The following PTPRD variants were observed in gnomAD, a reference collection of about 807,000 sequenced individuals.
PTPRD encodes protein tyrosine phosphatase receptor type D.
In PTPRD, 34 loss-of-function variants were observed where a neutral mutation model predicts 214.5. The observed-to-expected ratio is 0.16, with a 90% CI of 0.12 to 0.21. The LOEUF (loss-of-function observed/expected upper bound fraction) is 0.21. Ranked by LOEUF, PTPRD falls within the 10% of genes least tolerant of loss-of-function variation. The pLI, the probability that PTPRD is intolerant of heterozygous loss-of-function variation, is 1.00. For missense variants in PTPRD, 2,545 were observed against 2,398.7 expected (o/e 1.06, Z -1.27); for synonymous variants, 1,128 against 845.7 (o/e 1.33, Z -5.79).
intron 3 of PTPRD, among the ~76,000 whole-genome samples, chr9:10,275,949 T>A (rs2094662014): frequency 6.6e-6 from 1 of 152,212 alleles, no homozygotes; most frequent in South Asian, 2.1e-4. Flanking sequence ...AATGAGTGAC[T>A]CATTTCCTCT....
chr9:9,146,758 T>C (rs1176455907), intron 10 of PTPRD, among the ~76,000 whole-genome samples: 5 of 152,126 alleles, frequency 3.3e-5, no homozygotes, highest in African/African-American at 1.2e-4. Flanking sequence ...ATCAGAAATA[T>C]GCTTGGCAAG....
chr9:10,531,106 C>T (rs192323533), intron 2 of PTPRD, among the ~76,000 whole-genome samples: 16 of 151,928 alleles, frequency 1.1e-4, no homozygotes, highest in African/African-American at 1.2e-4. Flanking sequence ...CAAGCCACCA[C>T]GCCCGGCTAA....
At chr9:9,448,460 C>G (rs952902143) in intron 8 of PTPRD, among the ~76,000 whole-genome samples, 2 of 152,090 alleles carry the variant, frequency 1.3e-5, no homozygotes, top group South Asian at 4.1e-4. Flanking sequence ...TTCTCTCTCT[C>G]TCCTGCTGCC....
intron 8 of PTPRD, among the ~76,000 whole-genome samples, chr9:9,425,130 G>A (rs1234477360): frequency 6.6e-6 from 1 of 151,990 alleles, no homozygotes; most frequent in Non-Finnish European, 1.5e-5. Context: ...ACCATATGAA[G>A]AGAGTAAGAG....
At chr9:8,741,540 T>C (rs1271458272) in intron 11 of PTPRD, among the ~76,000 whole-genome samples, 1 of 150,256 alleles carries the variant, frequency 6.7e-6, no homozygotes, top group East Asian at 1.9e-4. Flanking sequence ...AGAACATGGA[T>C]TCTATTATTT....
intron 9 of PTPRD, among the ~76,000 whole-genome samples, chr9:9,233,313 G>C (rs1458130332): frequency 6.6e-6 from 1 of 152,044 alleles, no homozygotes; most frequent in Non-Finnish European, 1.5e-5. Context: ...ACTATCATGA[G>C]AACAATATGG....
At chr9:9,916,597 G>T (rs1016389583) in intron 5 of PTPRD, among the ~76,000 whole-genome samples, 2 of 151,430 alleles carry the variant, frequency 1.3e-5, no homozygotes, top group Non-Finnish European at 3.0e-5. Context: ...CACCTTTAAA[G>T]ACACATATAG....
At chr9:9,307,584 C>T (rs1957530650) in intron 9 of PTPRD, among the ~76,000 whole-genome samples, 1 of 152,112 alleles carries the variant, frequency 6.6e-6, no homozygotes, top group African/African-American at 2.4e-5. Context: ...ATTCTAACTA[C>T]TGTTGCTTTA....
chr9:9,802,668 T>C (rs2099048701), intron 5 of PTPRD, among the ~76,000 whole-genome samples: 1 of 151,698 alleles, frequency 6.6e-6, no homozygotes, highest in Non-Finnish European at 1.5e-5. Context: ...AAAATTCAAC[T>C]CTCCATACCC....
At chr9:10,136,124 C>G (rs1050833305) in intron 3 of PTPRD, among the ~76,000 whole-genome samples, 1 of 151,302 alleles carries the variant, frequency 6.6e-6, no homozygotes, top group South Asian at 2.1e-4. Flanking sequence ...CAAAAACAGT[C>G]AAAAAGGACA....
At chr9:10,142,941 A>G (rs1347531877) in intron 3 of PTPRD, among the ~76,000 whole-genome samples, 3 of 151,930 alleles carry the variant, frequency 2.0e-5, no homozygotes, top group Non-Finnish European at 4.4e-5. Flanking sequence ...AATACTATGC[A>G]GCCATAAAAA....
At chr9:8,875,875 A>G (rs2098383818) in intron 11 of PTPRD, among the ~76,000 whole-genome samples, 1 of 152,164 alleles carries the variant, frequency 6.6e-6, no homozygotes, top group Admixed American at 6.5e-5. Context: ...AGGAGGAAAA[A>G]CAGATCCACT....
intron 8 of PTPRD, among the ~76,000 whole-genome samples, chr9:9,471,453 T>A (rs1275243470): frequency 6.6e-6 from 1 of 152,148 alleles, no homozygotes; most frequent in East Asian, 1.9e-4. Flanking sequence ...ATCAAATTGT[T>A]GACATTTTAC....
intron 8 of PTPRD, among the ~76,000 whole-genome samples, chr9:9,449,648 C>T (rs891282452): frequency 2.0e-5 from 3 of 151,982 alleles, no homozygotes; most frequent in Non-Finnish European, 4.4e-5. Flanking sequence ...CACATTTGCT[C>T]ATTCACATTG....
intron 2 of PTPRD, among the ~76,000 whole-genome samples, chr9:10,437,217 T>C (rs913122865): frequency 6.6e-6 from 1 of 151,864 alleles, no homozygotes; most frequent in African/African-American, 2.4e-5. Context: ...ATTTTAATCA[T>C]AGATAGCCAA....
intron 3 of PTPRD, among the ~76,000 whole-genome samples, chr9:10,255,172 A>T (rs1564816852): frequency 6.6e-6 from 1 of 152,330 alleles, no homozygotes; most frequent in East Asian, 1.9e-4. Context: ...GAGGTGATTT[A>T]AAATAGGGTC....
chr9:8,823,171 C>G (rs892511179), intron 11 of PTPRD, among the ~76,000 whole-genome samples: 1 of 152,132 alleles, frequency 6.6e-6, no homozygotes, highest in Non-Finnish European at 1.5e-5. Context: ...CTTCTTACCA[C>G]TTGGGCCTGT....
chr9:8,337,864 AAG>A (rs1386342412), intron 43 of PTPRD, among the ~76,000 whole-genome samples: 1 of 148,918 alleles, frequency 6.7e-6, no homozygotes, highest in African/African-American at 2.4e-5. Flanking sequence ...CAAATTCTGA[AAG>A]AGCACTATTT....
intron 8 of PTPRD, among the ~76,000 whole-genome samples, chr9:9,404,256 C>T (rs2072242680): frequency 1.3e-5 from 2 of 151,958 alleles, no homozygotes; most frequent in South Asian, 4.2e-4. Context: ...TTAAACATGC[C>T]TCCGGCTACT....
Sources: allele counts gnomAD v4.1 joint callset (sites outside exome capture counted in the v4.1 genomes callset), GRCh38; gene constraint gnomAD v4.1.1; transcripts MANE v1.5; gene names NCBI Gene and HGNC (gene_info 2026-07-23, HGNC 2026-07-21).